EHMT1: variants seen among roughly 807,000 people sequenced by gnomAD.
EHMT1 encodes the protein euchromatic histone lysine methyltransferase 1, also known as histone-lysine N-methyltransferase EHMT1.
In EHMT1, 15 loss-of-function variants were observed where a neutral mutation model predicts 147.2. The ratio of observed to expected loss-of-function variants is 0.10; its 90% CI spans 0.07 to 0.16. EHMT1 has a LOEUF of 0.16. Among genes scored for constraint, EHMT1 ranks in the 10% least tolerant of loss-of-function variants. EHMT1 has a pLI of 1.00. For missense variants in EHMT1, 1,587 were observed against 1,772.4 expected, an observed-to-expected ratio of 0.90 and a Z score of 1.88; for synonymous variants, 795 against 709.6, an observed-to-expected ratio of 1.12 and a Z score of -1.91.
intron 25 of EHMT1, among the ~76,000 whole-genome samples, chr9:137,827,048 G>C (rs751123893): frequency 2.0e-5 from 3 of 152,182 alleles, no homozygotes; most frequent in Non-Finnish European, 4.4e-5. Flanking sequence ...CGTCTGTGCT[G>C]TGCCTTCACA....
intron 3 of EHMT1, among the ~76,000 whole-genome samples, chr9:137,721,151 A>ACCCCTCCCAGACTTCTCACACTCACC (rs1945929910): frequency 1.6e-5 from 1 of 61,596 alleles, no homozygotes; most frequent in African/African-American, 8.8e-5. Context: ...TCTCACACTC[A>ACCCCTCCCAGACTTCTCACACTCACC]CCCCTCCCAG....
chr9:137,823,339 C>G (rs1306768264), intron 25 of EHMT1, among the ~76,000 whole-genome samples: 2 of 150,542 alleles, frequency 1.3e-5, no homozygotes, highest in Admixed American at 1.3e-4. Context: ...ACCTTGTGAT[C>G]TGCCCATCTC....
intron 10 of EHMT1, among the ~76,000 whole-genome samples, chr9:137,766,558 T>C (rs1456313257): frequency 6.6e-6 from 1 of 152,206 alleles, no homozygotes; most frequent in Admixed American, 6.5e-5. Flanking sequence ...ACGGTTGCAG[T>C]GAGCATCAGT....
intron 1 of EHMT1, among the ~76,000 whole-genome samples, chr9:137,634,909 A>G (rs532427480): frequency 2.3e-4 from 28 of 120,692 alleles, no homozygotes; most frequent in African/African-American, 1.9e-4. Context: ...TTTAGTAGAG[A>G]TGGGGTTTCA....
At chr9:137,831,533 G>A (rs994099585) in intron 25 of EHMT1, among the ~76,000 whole-genome samples, 2 of 152,256 alleles carry the variant, frequency 1.3e-5, no homozygotes, top group African/African-American at 4.8e-5. Flanking sequence ...TCAGCAGCCA[G>A]TGAATTTCGA....
chr9:137,692,328 G>A (rs1454434067), intron 1 of EHMT1, among the ~76,000 whole-genome samples: 2 of 144,994 alleles, frequency 1.4e-5, no homozygotes, highest in African/African-American at 5.2e-5. Flanking sequence ...GCAGTGGTGT[G>A]ATCTTAGCTC....
intron 2 of EHMT1, among the ~76,000 whole-genome samples, chr9:137,716,025 G>A (rs1945189843): frequency 6.7e-6 from 1 of 148,256 alleles, no homozygotes; most frequent in African/African-American, 2.5e-5. Flanking sequence ...TGGTGGTGGT[G>A]TCATAGGGGG....
chr9:137,736,612 C>T (rs374904347), intron 4 of EHMT1, among the ~76,000 whole-genome samples: 5 of 152,240 alleles, frequency 3.3e-5, no homozygotes, highest in Non-Finnish European at 5.9e-5. Context: ...AGATTTGAGC[C>T]GGGCGCGATG....
chr9:137,727,998 A>AT (rs1946778778), intron 3 of EHMT1, among the ~76,000 whole-genome samples: 1 of 152,120 alleles, frequency 6.6e-6, no homozygotes, highest in Admixed American at 6.5e-5. Flanking sequence ...GGGTTGGAAC[A>AT]TTTTTTTCTG....
At position 137,710,242 on chromosome 9, in the gene EHMT1, C is replaced by T. The variant is rs188124427; in HGVS notation, c.22-725C>T. The stretch of plus-strand genomic sequence containing the variant: ...ATCCCAGCACTTTGGGAGGCTGAGG[C>T]GGGCGGATCACTTGAGGCCAGGAGT... On this transcript the variant is annotated intron_variant, in intron 1 of 26. Transcript: ENST00000460843. 2.2e-3 allele frequency among the ~76,000 whole-genome samples: 328 copies of T among 152,158 alleles called. 2 individuals are homozygous for T. The highest frequency in any genetic ancestry group is 3.5e-3 in the Non-Finnish European group (235 of 67,996).
At chr9:137,698,381 A>T (rs1161498933) in intron 1 of EHMT1, among the ~76,000 whole-genome samples, 1 of 152,184 alleles carries the variant, frequency 6.6e-6, no homozygotes, top group Non-Finnish European at 1.5e-5. Flanking sequence ...CGGATTGTAA[A>T]ATGCCATTGT....
chr9:137,685,019 G>A (rs1564585263), intron 1 of EHMT1, among the ~76,000 whole-genome samples: 2 of 151,982 alleles, frequency 1.3e-5, no homozygotes, highest in African/African-American at 2.4e-5. Context: ...ATTTATGATT[G>A]CATCTGTAAG....
chr9:137,741,168 G>T (rs577864848), intron 4 of EHMT1, among the ~76,000 whole-genome samples: 74 of 152,166 alleles, frequency 4.9e-4, no homozygotes, highest in Non-Finnish European at 9.6e-4. Context: ...AGTAGAGACG[G>T]GGTTTCACTG....
intron 1 of EHMT1, among the ~76,000 whole-genome samples, chr9:137,687,545 C>T (rs1942567300): frequency 6.6e-6 from 1 of 152,020 alleles, no homozygotes; most frequent in Non-Finnish European, 1.5e-5. Flanking sequence ...TGTTTGTGTT[C>T]CCCCCAAAAC....
intron 1 of EHMT1, among the ~76,000 whole-genome samples, chr9:137,643,423 C>T (rs189698195): frequency 1.1e-3 from 165 of 149,296 alleles, no homozygotes; most frequent in African/African-American, 3.9e-3. Context: ...TCACTGCAAG[C>T]TCTGCCTCCC....
At chr9:137,701,795 ATTT>A (rs55956191) in intron 1 of EHMT1, among the ~76,000 whole-genome samples, 3 of 101,118 alleles carry the variant, frequency 3.0e-5, no homozygotes. Context: ...GCCTGGTTAA[ATTT>A]TTTTTTTTTT....
intron 3 of EHMT1, among the ~76,000 whole-genome samples, chr9:137,725,741 C>G (rs1344397024): frequency 6.6e-6 from 1 of 152,094 alleles, no homozygotes; most frequent in Non-Finnish European, 1.5e-5. Context: ...GAAACAGACA[C>G]AGACAGAGTG....
intron 4 of EHMT1, among the ~76,000 whole-genome samples, chr9:137,741,900 C>A (rs1305897400): frequency 6.6e-6 from 1 of 152,178 alleles, no homozygotes; most frequent in Non-Finnish European, 1.5e-5. Flanking sequence ...CTGATTAAAT[C>A]CAGGCCTCCT....
chr9:137,785,076 C>T (rs1358813183), intron 15 of EHMT1: 1 of 153,978 alleles, frequency 6.5e-6, no homozygotes, highest in Non-Finnish European at 1.4e-5. Flanking sequence ...CCAGGACGTT[C>T]ATAGGTGGGG....
Sources: allele counts gnomAD v4.1 joint callset (sites outside exome capture counted in the v4.1 genomes callset), GRCh38; gene constraint gnomAD v4.1.1; transcripts MANE v1.5; gene names NCBI Gene and HGNC (gene_info 2026-07-23, HGNC 2026-07-21).